Variants in TASP1 observed in about 807,000 individuals in gnomAD.
TASP1 encodes threonine aspartase 1.
A neutral mutation model predicts 56.6 loss-of-function variants in TASP1; 16 were observed. That is an observed-to-expected ratio of 0.28 (90% CI 0.19 to 0.43). The LOEUF (loss-of-function observed/expected upper bound fraction) is 0.43. TASP1 is among the 20% of genes least tolerant of loss of function. The pLI is 1.00. For synonymous variants in TASP1, 179 were observed against 184.2 expected, an observed-to-expected ratio of 0.97 and a Z score of 0.23; for missense variants, 393 against 511.6, an observed-to-expected ratio of 0.77 and a Z score of 2.24.
the TASP1 span, among the ~76,000 whole-genome samples, chr20:13,224,360 C>T: frequency 6.6e-6 from 1 of 152,176 alleles, no homozygotes; most frequent in Non-Finnish European, 1.5e-5. Context: ...ATGAGGAGGT[C>T]TGCAAAAGAC....
chr20:13,587,220 C>T (rs747144967), intron 5 of TASP1, 30 bp downstream of exon 5: 2 of 1,579,216 alleles, frequency 1.3e-6, no homozygotes, highest in South Asian at 1.2e-5. Context: ...CATGATTTTC[C>T]AAAGATAGTA....
At chr20:13,223,968 A>C in the TASP1 span, among the ~76,000 whole-genome samples, 1 of 152,086 alleles carries the variant, frequency 6.6e-6, no homozygotes, top group Non-Finnish European at 1.5e-5. Context: ...CAGTAAGGTA[A>C]TGAGAGAAGC....
At chr20:13,279,591 C>G in the TASP1 span, 1 of 1,575,808 alleles carries the variant, frequency 6.3e-7, no homozygotes, top group Non-Finnish European at 8.7e-7. Context: ...AGCTTGGAGG[C>G]TGTTGACTCC....
the TASP1 span, among the ~76,000 whole-genome samples, chr20:13,284,046 T>G: frequency 6.6e-6 from 1 of 152,236 alleles, no homozygotes; most frequent in Non-Finnish European, 1.5e-5. Context: ...CTTAGGCAAG[T>G]ACCTTAACCT....
At chr20:13,570,873 C>T (rs773498129) in intron 6 of TASP1, among the ~76,000 whole-genome samples, 1 of 151,978 alleles carries the variant, frequency 6.6e-6, no homozygotes, top group Non-Finnish European at 1.5e-5. Context: ...TTTAGCATTT[C>T]CTTCTTCTAG....
rs1041833803 is a variant in TASP1 at position 13,611,001 on chromosome 20, G to A, written c.282+12445C>T. On this transcript the variant is annotated intron_variant, in intron 4 of 13. Coordinates refer to ENST00000337743, the MANE Select transcript of TASP1 (RefSeq NM_017714.3). ...AGGCTACAAAAGCTAACCACTCTGG[G>A]GCTAGGATTCAACCCTGGAAAAAAA... Among the ~76,000 whole-genome samples the A allele has an allele frequency of 3.5e-4, 53 of 152,078 alleles. 1 individual carries two copies. Among genetic ancestry groups the A allele is most frequent in the Non-Finnish European group, 3.4e-4 (23 of 68,032 alleles).
chr20:13,344,277 G>GCACA, the TASP1 span, among the ~76,000 whole-genome samples: 1 of 151,644 alleles, frequency 6.6e-6, no homozygotes, highest in African/African-American at 2.4e-5. Context: ...CTATATTTGC[G>GCACA]CACACACACA....
At chr20:13,637,158 T>C (rs2049339624) in intron 1 of TASP1, among the ~76,000 whole-genome samples, 1 of 152,216 alleles carries the variant, frequency 6.6e-6, no homozygotes, top group African/African-American at 2.4e-5. Context: ...TCAACATTAT[T>C]AGCCATCAGG....
intron 4 of TASP1, among the ~76,000 whole-genome samples, chr20:13,619,613 G>A (rs751481612): frequency 5.3e-5 from 8 of 152,140 alleles, no homozygotes; most frequent in Admixed American, 1.3e-4. Context: ...TGTGAAATAT[G>A]CAAAATTATG....
chr20:13,409,656 T>A (rs1236127582), intron 13 of TASP1, among the ~76,000 whole-genome samples: 1 of 152,126 alleles, frequency 6.6e-6, no homozygotes, highest in Non-Finnish European at 1.5e-5. Context: ...ATATCAGTTA[T>A]TTTATGTTTT....
At chr20:13,563,565 T>C (rs2046419823) in intron 7 of TASP1, among the ~76,000 whole-genome samples, 1 of 151,982 alleles carries the variant, frequency 6.6e-6, no homozygotes, top group East Asian at 1.9e-4. Context: ...TAATACACTA[T>C]GACAAAGTGC....
At chr20:13,269,208 T>C in the TASP1 span, among the ~76,000 whole-genome samples, 1 of 152,146 alleles carries the variant, frequency 6.6e-6, no homozygotes, top group African/African-American at 2.4e-5. Context: ...TGAAATTCTA[T>C]CTCCTTGTCT....
chr20:13,255,971 T>C, the TASP1 span, among the ~76,000 whole-genome samples: 1 of 151,932 alleles, frequency 6.6e-6, no homozygotes, highest in Non-Finnish European at 1.5e-5. Context: ...GAAAGACCAT[T>C]TGTAATTTAG....
At chr20:13,450,625 C>T (rs2043583007) in intron 11 of TASP1, among the ~76,000 whole-genome samples, 1 of 152,084 alleles carries the variant, frequency 6.6e-6, no homozygotes, top group African/African-American at 2.4e-5. Flanking sequence ...AAAATTGCAG[C>T]AATTCAGTCA....
chr20:13,425,436 C>T (rs1327579271), intron 12 of TASP1, among the ~76,000 whole-genome samples: 2 of 152,274 alleles, frequency 1.3e-5, no homozygotes, highest in South Asian at 4.1e-4. Flanking sequence ...CAGTCACTCT[C>T]CTCCTCTTTA....
the TASP1 span, among the ~76,000 whole-genome samples, chr20:13,179,159 C>G: frequency 9.3e-4 from 141 of 152,036 alleles, no homozygotes; most frequent in African/African-American, 3.3e-3. Context: ...ACATTGTTTC[C>G]GAAATCTAAA....
At chr20:13,356,648 A>G in the TASP1 span, among the ~76,000 whole-genome samples, 1 of 152,210 alleles carries the variant, frequency 6.6e-6, no homozygotes, top group Non-Finnish European at 1.5e-5. Context: ...GAGATGCTCT[A>G]GATAACACTT....
chr20:13,277,643 CTT>C, the TASP1 span, among the ~76,000 whole-genome samples: 8,390 of 145,570 alleles, frequency 0.058, 306 homozygotes, highest in Admixed American at 0.094. Flanking sequence ...CCCCCCTACC[CTT>C]TTTTTTTTTT....
chr20:13,536,695 C>T (rs1031808662), intron 8 of TASP1, among the ~76,000 whole-genome samples: 3 of 152,062 alleles, frequency 2.0e-5, no homozygotes, highest in African/African-American at 4.8e-5. Context: ...CCAAGTAAGG[C>T]ATAATGTAAA....
Sources: allele counts gnomAD v4.1 joint callset (sites outside exome capture counted in the v4.1 genomes callset), GRCh38; gene constraint gnomAD v4.1.1; transcripts MANE v1.5; gene names NCBI Gene and HGNC (gene_info 2026-07-23, HGNC 2026-07-21).